PABPC4L: variants seen among roughly 807,000 people sequenced by gnomAD.
PABPC4L encodes the protein poly(A) binding protein cytoplasmic 4 like.
For missense variants in PABPC4L, 452 were observed against 451.4 expected (o/e 1.00, Z -0.01); for synonymous variants, 169 against 164.1 (o/e 1.03, Z -0.23).
At chr4:133,950,112 G>A in the PABPC4L span, among the ~76,000 whole-genome samples, 1 of 152,150 alleles carries the variant, frequency 6.6e-6, no homozygotes, top group South Asian at 2.1e-4. Context: ...TATCTGATGT[G>A]TAAAACTTCC....
At chr4:134,149,196 G>T in the PABPC4L span, among the ~76,000 whole-genome samples, 3,415 of 152,202 alleles carry the variant, frequency 0.022, 127 homozygotes, top group African/African-American at 0.078. Flanking sequence ...TGCAGAAAGA[G>T]AAGGAAAACA....
chr4:134,096,053 G>T, the PABPC4L span, among the ~76,000 whole-genome samples: 2 of 151,944 alleles, frequency 1.3e-5, no homozygotes, highest in Non-Finnish European at 2.9e-5. Context: ...TGAGGCCAGG[G>T]ATTTTGTTAG....
chr4:133,964,434 T>C, the PABPC4L span, among the ~76,000 whole-genome samples: 1,590 of 152,072 alleles, frequency 0.01, 22 homozygotes, highest in African/African-American at 0.036. Flanking sequence ...TTCCACAAGA[T>C]AGTATAAAAG....
the PABPC4L span, among the ~76,000 whole-genome samples, chr4:134,064,784 T>G: frequency 5.9e-5 from 9 of 152,052 alleles, no homozygotes; most frequent in Non-Finnish European, 1.5e-5. Context: ...CAGTGTCTGT[T>G]GCTTCCTTCT....
the PABPC4L span, among the ~76,000 whole-genome samples, chr4:134,124,380 C>A: frequency 1.3e-5 from 2 of 152,024 alleles, no homozygotes; most frequent in African/African-American, 4.8e-5. Flanking sequence ...CCCTCACTTA[C>A]CAATTGGAGC....
the PABPC4L span, among the ~76,000 whole-genome samples, chr4:134,129,165 A>C: frequency 1.1e-4 from 17 of 152,272 alleles, no homozygotes; most frequent in African/African-American, 4.1e-4. Flanking sequence ...GGAGCTCCCA[A>C]ACGTATAAAA....
At chr4:134,165,067 T>G in the PABPC4L span, among the ~76,000 whole-genome samples, 1 of 152,110 alleles carries the variant, frequency 6.6e-6, no homozygotes, top group South Asian at 2.1e-4. Flanking sequence ...CCAGGAAAAC[T>G]GGGTAGCAGC....
At chr4:134,171,438 T>C in the PABPC4L span, among the ~76,000 whole-genome samples, 2 of 152,156 alleles carry the variant, frequency 1.3e-5, no homozygotes, top group African/African-American at 2.4e-5. Flanking sequence ...GAAAAGTGAC[T>C]GTTCATGTAC....
chr4:134,050,129 T>C, the PABPC4L span, among the ~76,000 whole-genome samples: 1 of 152,114 alleles, frequency 6.6e-6, no homozygotes, highest in Non-Finnish European at 1.5e-5. Context: ...AAGAAAAAGG[T>C]TAGAAATTAA....
At chr4:134,155,795 A>G in the PABPC4L span, among the ~76,000 whole-genome samples, 131 of 151,992 alleles carry the variant, frequency 8.6e-4, 1 homozygote, top group Non-Finnish European at 1.5e-3. Context: ...CTGAATTTCT[A>G]CACTAAAAGT....
chr4:134,079,074 C>A, the PABPC4L span, among the ~76,000 whole-genome samples: 1 of 147,440 alleles, frequency 6.8e-6, no homozygotes, highest in East Asian at 2.1e-4. Context: ...TGTGTTCAAG[C>A]GATTCTTCTG....
chr4:133,949,444 G>T, the PABPC4L span, among the ~76,000 whole-genome samples: 1 of 152,120 alleles, frequency 6.6e-6, no homozygotes, highest in Non-Finnish European at 1.5e-5. Flanking sequence ...TTCACACCTT[G>T]TATTAGGATT....
the PABPC4L span, chr4:133,977,999 C>A: frequency 1.3e-5 from 2 of 152,086 alleles, no homozygotes; most frequent in Non-Finnish European, 2.9e-5. Context: ...ACTCTTTTGG[C>A]ATGTGTAGTA....
In PABPC4L at chr4:134,199,098, C is replaced by T. The variant is rs1729760404; in HGVS notation, c.*809G>A. On this transcript the variant is annotated 3_prime_UTR_variant, in exon 2 of 2. Transcript: ENST00000421491. ...TAAAAATTTAAGATAATATATTAAG[C>T]CATATAGGTATGAAGAGATTTAAGA... 1 of 151,782 alleles carries T rather than the reference C, an allele frequency of 6.6e-6. No individual in the cohort carries two copies. The highest frequency in any genetic ancestry group is 1.5e-5 in the Non-Finnish European group (1 of 67,876). The allele number at this position is 151,782 out of a possible 1,614,324, so 9.4% of individuals were successfully genotyped here.
At chr4:134,158,172 T>G in the PABPC4L span, among the ~76,000 whole-genome samples, 16 of 151,914 alleles carry the variant, frequency 1.1e-4, no homozygotes, top group Non-Finnish European at 2.4e-4. Flanking sequence ...AAGTAATATC[T>G]TTCACTCCCA....
chr4:133,975,996 G>A, the PABPC4L span, among the ~76,000 whole-genome samples: 2,673 of 152,060 alleles, frequency 0.018, 33 homozygotes, highest in East Asian at 0.031. Flanking sequence ...GTACATGTCA[G>A]GATGTGCAGG....
At chr4:134,156,216 A>G in the PABPC4L span, among the ~76,000 whole-genome samples, 1 of 152,004 alleles carries the variant, frequency 6.6e-6, no homozygotes, top group African/African-American at 2.4e-5. Context: ...TTTCTAAAGT[A>G]ATCTCGACCT....
chr4:133,957,346 C>G, the PABPC4L span, among the ~76,000 whole-genome samples: 1 of 152,162 alleles, frequency 6.6e-6, no homozygotes, highest in African/African-American at 2.4e-5. Context: ...ACATAATCTC[C>G]TTTGACACCA....
chr4:134,177,559 C>T, the PABPC4L span, among the ~76,000 whole-genome samples: 6 of 152,076 alleles, frequency 3.9e-5, no homozygotes, highest in Non-Finnish European at 7.4e-5. Context: ...AGTTGGTGAC[C>T]ACACCGGCCC....
Sources: gnomAD v4.1 joint callset for allele counts (sites outside exome capture counted in the v4.1 genomes callset) on GRCh38, gnomAD v4.1.1 for gene constraint, MANE v1.5 for transcripts, NCBI Gene and HGNC (gene_info 2026-07-23, HGNC 2026-07-21) for gene names.